Variants in DCLK2 observed in about 807,000 individuals in gnomAD.
DCLK2 encodes doublecortin like kinase 2.
A neutral mutation model predicts 78.4 loss-of-function variants in DCLK2; 31 were observed. That is an observed-to-expected ratio of 0.40 (90% CI 0.30 to 0.53). The LOEUF (loss-of-function observed/expected upper bound fraction) is 0.53. DCLK2 is among the 20% of genes least tolerant of loss of function. The probability of loss-of-function intolerance (pLI) is 0.61; values close to 1 mark genes in which losing one functional copy is unlikely to be tolerated. For synonymous variants in DCLK2, 407 were observed against 374.9 expected (o/e 1.09, Z -0.99); for missense variants, 872 against 973.7 (o/e 0.90, Z 1.39).
intron 3 of DCLK2, 139 bp from the exon 4 acceptor site, chr4:150,197,863 A>G: frequency 1.7e-6 from 1 of 589,030 alleles, no homozygotes; most frequent in African/African-American, 1.9e-5. Context: ...TTTTGGGACA[A>G]TTGCTTTGTA....
At chr4:150,139,169 G>T (rs1365741004) in intron 2 of DCLK2, among the ~76,000 whole-genome samples, 2 of 152,110 alleles carry the variant, frequency 1.3e-5, no homozygotes, top group African/African-American at 4.8e-5. Flanking sequence ...GCCTGGCCAG[G>T]TCTTAGTTAT....
At chr4:150,114,545 C>T (rs541971450) in intron 2 of DCLK2, among the ~76,000 whole-genome samples, 36 of 152,132 alleles carry the variant, frequency 2.4e-4, no homozygotes, top group Non-Finnish European at 4.0e-4. Flanking sequence ...TGTGTTGACC[C>T]TTTGTTTCAA....
At chr4:150,109,572 C>A (rs563398231) in intron 2 of DCLK2, among the ~76,000 whole-genome samples, 26 of 152,140 alleles carry the variant, frequency 1.7e-4, no homozygotes, top group Non-Finnish European at 3.5e-4. Flanking sequence ...CTCCTGACAT[C>A]GTGTTCCGCC....
intron 3 of DCLK2, among the ~76,000 whole-genome samples, chr4:150,194,010 C>T (rs756628838): frequency 1.5e-4 from 22 of 144,228 alleles, no homozygotes; most frequent in Non-Finnish European, 1.3e-4. Context: ...CCTCAGCCTC[C>T]CAAAGTGCTG....
chr4:150,199,821 T>A (rs1356707172), intron 4 of DCLK2, among the ~76,000 whole-genome samples: 2 of 152,182 alleles, frequency 1.3e-5, no homozygotes, highest in African/African-American at 4.8e-5. Flanking sequence ...TGGTGATAGC[T>A]TTACAGATGC....
chr4:150,249,235 G>A (rs1459750), intron 14 of DCLK2, among the ~76,000 whole-genome samples: 73,925 of 151,812 alleles, frequency 0.49, 18,880 homozygotes, highest in Non-Finnish European at 0.57. Context: ...TTCCATGGGA[G>A]GGATCATACT....
chr4:150,149,822 T>A (rs1396946350), intron 2 of DCLK2, among the ~76,000 whole-genome samples: 1 of 152,202 alleles, frequency 6.6e-6, no homozygotes, highest in Non-Finnish European at 1.5e-5. Context: ...GTAAGGTTGA[T>A]TGGGGATGGA....
chr4:150,218,711 T>C (rs1486943145), intron 5 of DCLK2, among the ~76,000 whole-genome samples: 2 of 152,144 alleles, frequency 1.3e-5, no homozygotes, highest in Admixed American at 6.5e-5. Context: ...GGCCTGACCA[T>C]GTGGGGCTGC....
intron 13 of DCLK2, 141 bp downstream of exon 13, chr4:150,247,840 A>G: frequency 1.5e-6 from 1 of 663,654 alleles, no homozygotes; most frequent in Non-Finnish European, 2.5e-6. Flanking sequence ...AGTTTATCCC[A>G]TGGTATGGTC....
intron 2 of DCLK2, among the ~76,000 whole-genome samples, chr4:150,126,072 A>T (rs984453327): frequency 6.6e-6 from 1 of 152,182 alleles, no homozygotes; most frequent in African/African-American, 2.4e-5. Flanking sequence ...GGCAGTCTCA[A>T]CATGTTTGGA....
chr4:150,086,833 C>G (rs1458211331), intron 1 of DCLK2, among the ~76,000 whole-genome samples: 2 of 152,088 alleles, frequency 1.3e-5, no homozygotes, highest in Non-Finnish European at 2.9e-5. Flanking sequence ...ATATTTATTT[C>G]TCGTTATGTG....
rs201030621 is a variant in DCLK2 at position 150,248,352 on chromosome 4, C to T, written c.1923C>T (p.Thr641=). 1.2e-5 allele frequency: 20 copies of T among 1,613,724 alleles called. No individual in the cohort carries two copies. In the East Asian group the frequency reaches 1.8e-4, roughly 14 times the overall value. Residue 641 remains threonine, a synonymous_variant, in exon 14 of 16, where the codon ACC becomes ACT. Coordinates refer to ENST00000296550, the MANE Select transcript of DCLK2 (RefSeq NM_001040260.4). The part of the protein sequence containing the change: ...MLQVNVEARC[T]AGQILSHPWV... ...AGGTAAATGTTGAAGCTCGGTGTAC[C>T]GCGGGACAAATCCTGAGTCACCCCT...
chr4:150,227,005 C>T (rs368879528), intron 8 of DCLK2, among the ~76,000 whole-genome samples: 1 of 152,178 alleles, frequency 6.6e-6, no homozygotes, highest in Admixed American at 6.5e-5. Flanking sequence ...TTTATCCAGG[C>T]TTGGATATAT....
At position 150,256,214 on chromosome 4, in the gene DCLK2, G is replaced by T. The variant is rs888633138; in HGVS notation, c.2268G>T (p.Glu756Asp). Residue 756 changes from glutamate (E) to aspartate (D), a missense_variant, in exon 16 of 16, where the codon GAG (glutamate) becomes GAT (aspartate). Glu to Asp is a conservative substitution (Grantham distance 45). Transcript: ENST00000296550. Reference protein sequence around the residue: ...PHPPPAAPGGERAGTWRRHRD With the variant: ...PHPPPAAPGGDRAGTWRRHRD ...CTCCTCCCGCTGCCCCGGGTGGTGAGCGGGCAGGAACCTGGCGCCGCCACC... is the reference window on the plus strand; with the variant it reads ...CTCCTCCCGCTGCCCCGGGTGGTGATCGGGCAGGAACCTGGCGCCGCCACC... 3.0e-5 allele frequency: 46 copies of T among 1,541,510 alleles called. No homozygotes were observed. Among genetic ancestry groups the T allele is most frequent in the Non-Finnish European group, 4.0e-5 (46 of 1,144,296 alleles).
chr4:150,188,457 G>A (rs1015638067), intron 2 of DCLK2, among the ~76,000 whole-genome samples: 6 of 152,110 alleles, frequency 3.9e-5, no homozygotes, highest in African/African-American at 1.4e-4. Flanking sequence ...AACAGAAAGA[G>A]AAAAAGAAAA....
At chr4:150,251,745 C>A (rs1241967105) in intron 15 of DCLK2, among the ~76,000 whole-genome samples, 1 of 121,896 alleles carries the variant, frequency 8.2e-6, no homozygotes. Context: ...CCCGAACACA[C>A]CCCACATTCC....
chr4:150,168,814 G>A (rs77505849), intron 2 of DCLK2, among the ~76,000 whole-genome samples: 3,260 of 152,266 alleles, frequency 0.021, 117 homozygotes, highest in African/African-American at 0.074. Context: ...AATTCTCACT[G>A]ATCAGTTCTG....
chr4:150,087,591 C>T (rs1423665253), intron 1 of DCLK2, among the ~76,000 whole-genome samples: 1 of 152,124 alleles, frequency 6.6e-6, no homozygotes, highest in African/African-American at 2.4e-5. Flanking sequence ...ATTTTTATGC[C>T]TAAATTCAAC....
chr4:150,130,082 CG>C (rs1264618494), intron 2 of DCLK2, among the ~76,000 whole-genome samples: 1 of 152,022 alleles, frequency 6.6e-6, no homozygotes, highest in Non-Finnish European at 1.5e-5. Flanking sequence ...ATGTTTTGCA[CG>C]GAAGTTTTTA....
Sources: allele counts gnomAD v4.1 joint callset (sites outside exome capture counted in the v4.1 genomes callset), GRCh38; gene constraint gnomAD v4.1.1; transcripts MANE v1.5; gene names NCBI Gene and HGNC (gene_info 2026-07-23, HGNC 2026-07-21).